The following OASL variants were observed in gnomAD, a reference collection of about 807,000 sequenced individuals.
The protein encoded by OASL is 2'-5'-oligoadenylate synthetase like, also known as 2'-5'-oligoadenylate synthase-like protein.
Under a neutral mutation model 35.3 loss-of-function variants are expected in OASL, and 28 were observed. The observed-to-expected ratio is 0.79, with a 90% CI of 0.59 to 1.09. OASL has a LOEUF of 1.09. Among genes scored for constraint, OASL ranks in the 50% least tolerant of loss-of-function variants. The pLI is 0.00. For missense variants in OASL, 620 were observed against 635.2 expected (o/e 0.98, Z 0.26); for synonymous variants, 252 against 254.6 (o/e 0.99, Z 0.10).
intron 4 of OASL, 85 bp from the exon 5 acceptor site, chr12:121,024,222 T>C (rs1592932902): frequency 6.9e-7 from 1 of 1,455,132 alleles, no homozygotes; most frequent in South Asian, 1.3e-5. Flanking sequence ...AATTATTTCG[T>C]CCAGCCACTG....
exon 6 of OASL, chr12:121,020,406 A>T (rs1869180104): frequency 1.3e-6 from 1 of 795,240 alleles, no homozygotes; most frequent in Non-Finnish European, 2.0e-6. Flanking sequence ...AAGTTCTGGG[A>T]TTACAGGTGT....
chr12:121,031,050 A>T (rs1487661263), intron 3 of OASL, among the ~76,000 whole-genome samples: 4 of 152,182 alleles, frequency 2.6e-5, no homozygotes, highest in Middle Eastern at 3.4e-3. Flanking sequence ...AGGTGGGAGG[A>T]TCACTTGAGC....
chr12:121,039,181 G>A lies in OASL; in HGVS notation c.-210C>T, dbSNP rs1592942149. On this transcript the variant is annotated 5_prime_UTR_variant, in exon 1 of 6. Transcript: ENST00000257570. The stretch of plus-strand genomic sequence containing the variant: ...ACACCCTTGCTGCAGTAGGGGCACA[G>A]GAGGACTCTGGGCTGAGGCTGGAAT... 10 of 583,950 alleles carry A rather than the reference G, an allele frequency of 1.7e-5. No individual in the cohort carries two copies. In the East Asian group the frequency reaches 2.8e-4, roughly 17 times the overall value. The allele number at this position is 583,950 out of a possible 1,614,324, so 36.2% of individuals were successfully genotyped here.
Position 121,023,973 on chromosome 12 carries a change from C to CAG in OASL, c.1047+15_1047+16dup, listed in dbSNP as rs1283500144. 1.2e-6 allele frequency: 2 copies of CAG among 1,613,614 alleles called. No individual in the cohort carries two copies. Among genetic ancestry groups the CAG allele is most frequent in the Non-Finnish European group, 1.7e-6 (2 of 1,179,752 alleles). ...TCTGACCTTCAAGCCCTTGACAGCC[C>CAG]AGAGAGGAGCCATTACCTTCACGTT... is the stretch of plus-strand genomic sequence containing the variant. On this transcript the variant is annotated intron_variant, in intron 5 of 5. Coordinates refer to ENST00000257570, the Ensembl canonical transcript of OASL.
At chr12:121,022,307 G>A (rs529586961) in intron 5 of OASL, among the ~76,000 whole-genome samples, 61 of 152,136 alleles carry the variant, frequency 4.0e-4, no homozygotes, top group Middle Eastern at 3.4e-3. Flanking sequence ...GGATGGTTTC[G>A]ATCTCTTGAC....
At chr12:121,018,860 A>G (rs1456587840), downstream of OASL, among the ~76,000 whole-genome samples, 1 of 120,662 alleles carries the variant, frequency 8.3e-6, no homozygotes, top group Non-Finnish European at 1.6e-5. Flanking sequence ...ACAGAGCGAG[A>G]CTCCATCTCA....
intron 1 of OASL, among the ~76,000 whole-genome samples, chr12:121,038,048 C>T (rs2135919431): frequency 6.6e-6 from 1 of 151,320 alleles, no homozygotes; most frequent in East Asian, 2.0e-4. Flanking sequence ...GATTGTGCCA[C>T]TGCACTCCAG....
chr12:121,034,390 C>T (rs141196996), intron 1 of OASL, among the ~76,000 whole-genome samples: 1,639 of 152,226 alleles, frequency 0.011, 13 homozygotes, highest in South Asian at 0.02. Context: ...TGGTCTCGAA[C>T]TCCTGGACTC....
At chr12:121,033,653 C>A (rs1166524373) in exon 2 of OASL, 1 of 1,614,194 alleles carries the variant, frequency 6.2e-7, no homozygotes, top group East Asian at 2.2e-5. Context: ...TGCTTGGCTG[C>A]CTCCTGGAAG....
rs767115336 is a variant in OASL, at chr12:121,031,444, G to A, written c.655C>T (p.Gln219Ter). ...TGCCATCCTGGCAGCCCCCTCACCT[G>A]CTGGTACCAGTGTTTCACCAGGCGC... is the stretch of plus-strand genomic sequence containing the variant. The change falls in exon 3 of 6, where the codon CAG becomes TAG. Residue 219 changes from glutamine to a stop codon, truncating the protein, a stop_gained and splice_region_variant. Transcript: ENST00000257570. LOFTEE classifies it high-confidence loss of function. 3.7e-6 allele frequency: 6 copies of A among 1,612,934 alleles called. No individual in the cohort carries two copies. Among genetic ancestry groups the A allele is most frequent in the Admixed American group, 1.7e-5 (1 of 60,002 alleles).
At chr12:121,018,345 T>A (rs1869105684), downstream of OASL, among the ~76,000 whole-genome samples, 1 of 151,908 alleles carries the variant, frequency 6.6e-6, no homozygotes, top group Non-Finnish European at 1.5e-5. Flanking sequence ...CCGGATGACG[T>A]CTCTCTCGGT....
intron 3 of OASL, among the ~76,000 whole-genome samples, chr12:121,028,575 C>T (rs1174530049): frequency 1.3e-5 from 2 of 152,068 alleles, no homozygotes; most frequent in Admixed American, 6.6e-5. Context: ...TGAGAGAATT[C>T]CAGAGAAACA....
chr12:121,019,710 A>T (rs1869154716), exon 6 of OASL: 1 of 152,212 alleles, frequency 6.6e-6, no homozygotes, highest in South Asian at 2.1e-4. Context: ...ATTTATTCCC[A>T]ACTTGCTATA....
chr12:121,024,731 AG>A (rs960144690), intron 4 of OASL, among the ~76,000 whole-genome samples: 8 of 152,140 alleles, frequency 5.3e-5, no homozygotes, highest in East Asian at 3.9e-4. Flanking sequence ...CCTTTCAGGC[AG>A]GGGGGGCCCT....
downstream of OASL, among the ~76,000 whole-genome samples, chr12:121,018,184 A>G (rs367942330): frequency 3.8e-4 from 58 of 152,294 alleles, no homozygotes; most frequent in South Asian, 8.9e-3. Flanking sequence ...TTCGAACCCC[A>G]AGAGCGTGGC....
chr12:121,031,440 A>C lies in OASL; in HGVS notation c.657+2T>G. ...CCCCTGCCATCCTGGCAGCCCCCTC[A>C]CCTGCTGGTACCAGTGTTTCACCAG... On this transcript the variant is annotated splice_donor_variant, in intron 3 of 5. Coordinates refer to ENST00000257570, the Ensembl canonical transcript of OASL. LOFTEE classifies it high-confidence loss of function. 6.2e-7 allele frequency: 1 copy of C among 1,612,118 alleles called. No individual in the cohort carries two copies. The highest frequency in any genetic ancestry group is 1.1e-5 in the South Asian group (1 of 90,984).
intron 3 of OASL, among the ~76,000 whole-genome samples, chr12:121,028,264 C>T (rs973125976): frequency 2.1e-4 from 32 of 152,092 alleles, no homozygotes; most frequent in Non-Finnish European, 4.0e-4. Flanking sequence ...TCTTTCCTTC[C>T]CCATTGCATA....
At chr12:121,026,190 C>CAG (rs141918407) in intron 4 of OASL, among the ~76,000 whole-genome samples, 30 of 152,092 alleles carry the variant, frequency 2.0e-4, no homozygotes, top group African/African-American at 7.2e-4. Flanking sequence ...GAGAGAGTGA[C>CAG]AGAGAGAGAG....
intron 1 of OASL, 50 bp from the exon 2 acceptor site, chr12:121,033,793 G>A: frequency 6.3e-7 from 1 of 1,583,438 alleles, no homozygotes; most frequent in Non-Finnish European, 8.6e-7. Flanking sequence ...CATGAGCCAG[G>A]CAACCCCTGC....
Sources: gnomAD v4.1 joint callset for allele counts (sites outside exome capture counted in the v4.1 genomes callset) on GRCh38, gnomAD v4.1.1 for gene constraint, MANE v1.5 for transcripts, NCBI Gene and HGNC (gene_info 2026-07-23, HGNC 2026-07-21) for gene names.